Variants in RBP2 observed in about 807,000 individuals in gnomAD.
The protein encoded by RBP2 is retinol binding protein 2.
A neutral mutation model predicts 17.0 loss-of-function variants in RBP2; 17 were observed. The observed-to-expected ratio is 1.00, with a 90% confidence interval of 0.68 to 1.50. The LOEUF (loss-of-function observed/expected upper bound fraction) is 1.50, where lower values mean the gene tolerates loss of function less well. RBP2 is among the 40% of genes most tolerant of loss of function. RBP2 has a pLI of 0.00. For missense variants in RBP2, 158 were observed against 168.2 expected, an observed-to-expected ratio of 0.94 and a Z score of 0.33; for synonymous variants, 48 against 57.1, an observed-to-expected ratio of 0.84 and a Z score of 0.72.
At chr3:139,468,153 AGT>A (rs1933426793) in intron 1 of RBP2, among the ~76,000 whole-genome samples, 1 of 152,232 alleles carries the variant, frequency 6.6e-6, no homozygotes, top group South Asian at 2.1e-4. Context: ...TTAGAACTGA[AGT>A]GTTCCTCTGA....
chr3:139,471,091 T>C (rs1933550836), intron 1 of RBP2, among the ~76,000 whole-genome samples: 1 of 152,224 alleles, frequency 6.6e-6, no homozygotes. Flanking sequence ...GTTTACTTTC[T>C]GTCTCCCCAC....
At chr3:139,453,302 C>G (rs911484896) in intron 3 of RBP2, 136 bp from the exon 4 acceptor site, 5 of 855,298 alleles carry the variant, frequency 5.8e-6, no homozygotes, top group Non-Finnish European at 9.7e-6. Flanking sequence ...GTGCATCTCA[C>G]AGACCCAATC....
intron 1 of RBP2, among the ~76,000 whole-genome samples, chr3:139,470,257 A>T (rs1396873945): frequency 6.6e-6 from 1 of 152,172 alleles, no homozygotes; most frequent in Non-Finnish European, 1.5e-5. Flanking sequence ...CCAGTTATTC[A>T]GGCCTAAGCC....
chr3:139,475,597 A>C (rs1933713758), intron 1 of RBP2, among the ~76,000 whole-genome samples: 1 of 152,168 alleles, frequency 6.6e-6, no homozygotes. Context: ...GAGAACTTTA[A>C]AGCTAGAAGA....
In RBP2 at chr3:139,470,814, T is replaced by C. The variant is rs139386188; in HGVS notation, c.73+5573A>G. 7.2e-5 allele frequency among the ~76,000 whole-genome samples: 11 copies of C among 152,192 alleles called. No individual in the cohort carries two copies. The South Asian group carries it at 1.2e-3, about 17-fold the overall frequency. ...GTTGCCTAGGCTCATCATGAACTCC[T>C]GGCCTCATGTCACCCTCTTGCCTTG... On this transcript the variant is annotated intron_variant, in intron 1 of 3. Transcript: ENST00000232217.
At chr3:139,469,338 G>A (rs991790888) in intron 1 of RBP2, among the ~76,000 whole-genome samples, 2 of 152,104 alleles carry the variant, frequency 1.3e-5, no homozygotes, top group Non-Finnish European at 1.5e-5. Context: ...TCTAGGCACC[G>A]GGGGCAGGCT....
chr3:139,456,617 T>G (rs1304671256), intron 2 of RBP2, among the ~76,000 whole-genome samples: 3 of 152,214 alleles, frequency 2.0e-5, no homozygotes, highest in African/African-American at 7.2e-5. Flanking sequence ...CATGCATGCA[T>G]ATGTCTGTAC....
chr3:139,460,062 A>C (rs1933136286), intron 2 of RBP2, among the ~76,000 whole-genome samples: 1 of 152,226 alleles, frequency 6.6e-6, no homozygotes, highest in Non-Finnish European at 1.5e-5. Context: ...GTTCTCTACC[A>C]TCAAAGGTCA....
chr3:139,463,787 A>C (rs775156439), intron 1 of RBP2, among the ~76,000 whole-genome samples: 2 of 152,186 alleles, frequency 1.3e-5, no homozygotes, highest in African/African-American at 4.8e-5. Flanking sequence ...AATTCTCCAA[A>C]TATCTTTAGA....
At chr3:139,470,980 C>T (rs149522287) in intron 1 of RBP2, among the ~76,000 whole-genome samples, 1 of 152,098 alleles carries the variant, frequency 6.6e-6, no homozygotes, top group Non-Finnish European at 1.5e-5. Context: ...TCCACTGTCA[C>T]CCCCTCAAAC....
At chr3:139,464,318 G>A (rs560498191) in intron 1 of RBP2, among the ~76,000 whole-genome samples, 2 of 152,238 alleles carry the variant, frequency 1.3e-5, no homozygotes, top group African/African-American at 4.8e-5. Context: ...AATTATTCGG[G>A]CATGATGGAG....
chr3:139,468,913 G>GA (rs529201479), intron 1 of RBP2, among the ~76,000 whole-genome samples: 6 of 151,120 alleles, frequency 4.0e-5, no homozygotes, highest in South Asian at 2.1e-4. Flanking sequence ...GCTGCAGAAG[G>GA]AAAAAAAACA....
In RBP2 at chr3:139,476,367, A is replaced by T. The variant is rs372701327; in HGVS notation, c.73+20T>A. ...ACTCCCAACAACAGCTACCCTCCCC[A>T]TCCCCAGTCTCCTCCTTACCCAGGG... On this transcript the variant is annotated intron_variant, in intron 1 of 3. Coordinates refer to ENST00000232217, the MANE Select transcript of RBP2 (RefSeq NM_004164.3). 1.2e-5 allele frequency: 20 copies of T among 1,609,006 alleles called. 1 individual carries two copies. In the South Asian group the frequency reaches 2.1e-4, roughly 17 times the overall value.
intron 1 of RBP2, among the ~76,000 whole-genome samples, chr3:139,468,379 G>T (rs904160076): frequency 6.6e-6 from 1 of 152,192 alleles, no homozygotes; most frequent in Admixed American, 6.5e-5. Context: ...AATACCTATT[G>T]CTGACAGAAC....
intron 1 of RBP2, among the ~76,000 whole-genome samples, chr3:139,464,988 C>T (rs1374233809): frequency 1.3e-5 from 2 of 152,178 alleles, no homozygotes; most frequent in African/African-American, 2.4e-5. Context: ...TTGAAAGCTA[C>T]TTACTGTTAA....
At chr3:139,457,035 C>T (rs936415868) in intron 2 of RBP2, among the ~76,000 whole-genome samples, 4 of 152,152 alleles carry the variant, frequency 2.6e-5, no homozygotes, top group Non-Finnish European at 5.9e-5. Flanking sequence ...CGTCTGTCCT[C>T]CTCACTCCCA....
intron 2 of RBP2, among the ~76,000 whole-genome samples, chr3:139,460,314 T>C (rs1933143760): frequency 6.6e-6 from 1 of 152,156 alleles, no homozygotes; most frequent in Non-Finnish European, 1.5e-5. Flanking sequence ...GTTCCATAAG[T>C]GGACATTCCA....
At chr3:139,471,917 T>G (rs984535478) in intron 1 of RBP2, among the ~76,000 whole-genome samples, 3 of 152,232 alleles carry the variant, frequency 2.0e-5, no homozygotes, top group Non-Finnish European at 4.4e-5. Flanking sequence ...CTGCATACAA[T>G]TTCTTCCTAG....
chr3:139,465,959 A>G (rs1482168392), intron 1 of RBP2, among the ~76,000 whole-genome samples: 1 of 152,098 alleles, frequency 6.6e-6, no homozygotes, highest in Non-Finnish European at 1.5e-5. Context: ...TGGTTCTGTG[A>G]ATTCCTCTAG....
Sources: allele counts gnomAD v4.1 joint callset (sites outside exome capture counted in the v4.1 genomes callset), GRCh38; gene constraint gnomAD v4.1.1; transcripts MANE v1.5; gene names NCBI Gene and HGNC (gene_info 2026-07-23, HGNC 2026-07-21).